Variants in ABHD18 observed in about 807,000 individuals in gnomAD.
The protein encoded by ABHD18 is abhydrolase domain containing 18, also known as cardiolipin-specific deacylase, mitochondrial.
Under a neutral mutation model 65.9 loss-of-function variants are expected in ABHD18, and 55 were observed. The ratio of observed to expected loss-of-function variants is 0.84; its 90% CI spans 0.67 to 1.05. The LOEUF (loss-of-function observed/expected upper bound fraction) is 1.05. ABHD18 is among the 50% of genes least tolerant of loss of function. The pLI is 0.00. For synonymous variants in ABHD18, 181 were observed against 180.2 expected (o/e 1.00, Z -0.04); for missense variants, 533 against 558.5 (o/e 0.95, Z 0.46).
At chr4:127,974,563 G>T (rs1747521773) in intron 1 of ABHD18, among the ~76,000 whole-genome samples, 1 of 150,938 alleles carries the variant, frequency 6.6e-6, no homozygotes. Flanking sequence ...TGTAGAAATG[G>T]AATTTCACCA....
At chr4:128,015,546 AT>A (rs575172896) in intron 7 of ABHD18, among the ~76,000 whole-genome samples, 18 of 149,442 alleles carry the variant, frequency 1.2e-4, no homozygotes, top group South Asian at 2.1e-4. Context: ...GATAAGAATA[AT>A]TTTTTTTTTT....
intron 12 of ABHD18, among the ~76,000 whole-genome samples, chr4:128,034,233 A>G (rs1451063227): frequency 6.6e-6 from 1 of 152,312 alleles, no homozygotes; most frequent in African/African-American, 2.4e-5. Flanking sequence ...CTGGGATTAC[A>G]GGCGTAAGCC....
intron 10 of ABHD18, among the ~76,000 whole-genome samples, chr4:128,022,502 A>G (rs1212403014): frequency 6.6e-6 from 1 of 152,172 alleles, no homozygotes; most frequent in African/African-American, 2.4e-5. Context: ...ATATCTGATT[A>G]TCTCTTTTTT....
At chr4:127,989,300 G>A (rs1002941685) in intron 3 of ABHD18, among the ~76,000 whole-genome samples, 1 of 151,968 alleles carries the variant, frequency 6.6e-6, no homozygotes, top group Non-Finnish European at 1.5e-5. Context: ...AAGATAAAGT[G>A]GAGATGATTA....
At chr4:127,991,790 T>C (rs1308567394) in intron 4 of ABHD18, among the ~76,000 whole-genome samples, 1 of 152,166 alleles carries the variant, frequency 6.6e-6, no homozygotes, top group African/African-American at 2.4e-5. Flanking sequence ...AAGAGATTAT[T>C]CTGTAATGGA....
chr4:128,022,769 C>CT (rs1234304858), intron 10 of ABHD18, among the ~76,000 whole-genome samples: 3,925 of 130,928 alleles, frequency 0.03, 246 homozygotes, highest in East Asian at 0.27. Flanking sequence ...CGATCCTTTT[C>CT]TTTTTTTTTT....
intron 1 of ABHD18, among the ~76,000 whole-genome samples, chr4:127,974,944 C>T (rs577492668): frequency 2.0e-4 from 28 of 137,950 alleles, no homozygotes; most frequent in African/African-American, 7.2e-4. Flanking sequence ...TGCAGTGAGC[C>T]GAGATCGCGC....
In ABHD18 at chr4:128,037,330, A is replaced by G. The variant is rs956030325; in HGVS notation, c.*1517A>G. On this transcript the variant is annotated 3_prime_UTR_variant, in exon 13 of 13. Transcript: ENST00000645843. ...CAAAATGCCAAACTTATTTCTCCCT[A>G]CTAAAAAGTTTCAATTCACAAAAAT... The G allele has an allele frequency of 4.6e-5, 7 of 152,010 alleles. No homozygotes were observed. The highest frequency in any genetic ancestry group is 3.3e-4 in the Admixed American group (5 of 15,242). 9.4% of individuals were successfully genotyped at this position (152,010 alleles called of 1,614,324 possible). A position where few individuals can be genotyped will look rare whatever the true frequency, so the allele number is the denominator to read the frequency against.
chr4:128,033,448 G>A (rs1758486693), intron 12 of ABHD18, among the ~76,000 whole-genome samples: 2 of 150,962 alleles, frequency 1.3e-5, no homozygotes, highest in Non-Finnish European at 2.9e-5. Context: ...AGAAAGACAA[G>A]CATGTTGTAA....
chr4:128,039,148 T>TGC lies in ABHD18; in HGVS notation c.*3335_*3336insGC, dbSNP rs1759134417. ...TATTATATATACACACATATGCATA[T>TGC]ATATATATATATATATATATATATA... is the stretch of plus-strand genomic sequence containing the variant. On this transcript the variant is annotated 3_prime_UTR_variant, in exon 13 of 13. Coordinates refer to ENST00000645843, the MANE Select transcript of ABHD18 (RefSeq NM_001358451.3). 1.7e-4 allele frequency: 4 copies of TGC among 23,206 alleles called. No homozygotes were observed. Among genetic ancestry groups the TGC allele is most frequent in the South Asian group, 2.6e-3 (2 of 774 alleles). The allele number at this position is 23,206 out of a possible 1,614,324, so 1.4% of individuals were successfully genotyped here.
At chr4:128,010,587 C>T (rs1447403989) in intron 6 of ABHD18, among the ~76,000 whole-genome samples, 1 of 147,696 alleles carries the variant, frequency 6.8e-6, no homozygotes, top group Non-Finnish European at 1.5e-5. Context: ...CACAGGTATG[C>T]AAAAAAAAAC....
At position 128,003,948 on chromosome 4, in the gene ABHD18, T is replaced by TAA. The variant is rs70966066; in HGVS notation, c.279-4959_279-4958dup. Among the ~76,000 whole-genome samples the TAA allele has an allele frequency of 1.7e-3, 227 of 134,264 alleles. No individual in the cohort carries two copies. In the East Asian group the frequency reaches 0.018, roughly 11 times the overall value. The allele number at this position is 134,264 out of a possible 152,430, so 88.1% of individuals were successfully genotyped here. ...AACAGAGCAAGACCCTGTCTCGATT[T>TAA]AAAAAAAAAAAAAACAAAAAAAAAC... On this transcript the variant is annotated intron_variant, in intron 4 of 12. Coordinates refer to ENST00000645843, the MANE Select transcript of ABHD18 (RefSeq NM_001358451.3).
chr4:127,993,474 A>T (rs2149094274), intron 4 of ABHD18, among the ~76,000 whole-genome samples: 1 of 152,244 alleles, frequency 6.6e-6, no homozygotes, highest in South Asian at 2.1e-4. Context: ...GAAATACTAT[A>T]AGTTCCCAGA....
chr4:128,020,318 T>C (rs1319476754), intron 9 of ABHD18, 149 bp downstream of exon 9: 2 of 616,240 alleles, frequency 3.2e-6, no homozygotes, highest in Non-Finnish European at 5.8e-6. Context: ...AAGCCTTAAC[T>C]ACAGCAAAAG....
chr4:128,016,940 CAG>C (rs1487009719), intron 7 of ABHD18, among the ~76,000 whole-genome samples: 1 of 151,588 alleles, frequency 6.6e-6, no homozygotes, highest in Admixed American at 6.6e-5. Flanking sequence ...CTTTTTGAGA[CAG>C]GGTCTCATTC....
chr4:128,027,412 C>CTTT (rs112135586), intron 10 of ABHD18, among the ~76,000 whole-genome samples: 1 of 145,736 alleles, frequency 6.9e-6, no homozygotes. Flanking sequence ...TAATTTTTTT[C>CTTT]TTTTTTTTTT....
chr4:128,012,687 A>G (rs1011639253), intron 7 of ABHD18, among the ~76,000 whole-genome samples: 7 of 152,150 alleles, frequency 4.6e-5, no homozygotes, highest in African/African-American at 1.7e-4. Flanking sequence ...AAGACTTGGA[A>G]TAAGATCAGC....
At chr4:128,034,915 G>T (rs1758710253) in intron 12 of ABHD18, among the ~76,000 whole-genome samples, 1 of 152,130 alleles carries the variant, frequency 6.6e-6, no homozygotes, top group South Asian at 2.1e-4. Context: ...GCCTCCCAAA[G>T]TGCTGGGATT....
chr4:128,026,454 A>C (rs901557750), intron 10 of ABHD18, among the ~76,000 whole-genome samples: 2 of 148,246 alleles, frequency 1.3e-5, no homozygotes, highest in Non-Finnish European at 3.0e-5. Context: ...GTAAGACTCC[A>C]CCTCAAAAAA....
Sources: allele counts gnomAD v4.1 joint callset (sites outside exome capture counted in the v4.1 genomes callset), GRCh38; gene constraint gnomAD v4.1.1; transcripts MANE v1.5; gene names NCBI Gene and HGNC (gene_info 2026-07-23, HGNC 2026-07-21).